Variants in CREB5 observed in about 807,000 individuals in gnomAD.
CREB5 encodes the protein cAMP responsive element binding protein 5.
A neutral mutation model predicts 57.1 loss-of-function variants in CREB5; 19 were observed. That is an observed-to-expected ratio of 0.33 (90% confidence interval 0.23 to 0.49). The LOEUF (loss-of-function observed/expected upper bound fraction) is 0.49. CREB5 is among the 20% of genes least tolerant of loss of function. CREB5 has a pLI of 0.99. For synonymous variants in CREB5, 238 were observed against 238.3 expected, an observed-to-expected ratio of 1.00 and a Z score of 0.01; for missense variants, 579 against 671.6, an observed-to-expected ratio of 0.86 and a Z score of 1.52.
chr7:28,685,790 G>A (rs939617588), intron 5 of CREB5, among the ~76,000 whole-genome samples: 3 of 151,590 alleles, frequency 2.0e-5, no homozygotes, highest in Non-Finnish European at 2.9e-5. Flanking sequence ...CATCCCCAGC[G>A]GCACTGTTTC....
intron 1 of CREB5, among the ~76,000 whole-genome samples, chr7:28,320,857 A>T (rs764780744): frequency 1.4e-4 from 21 of 152,262 alleles, no homozygotes; most frequent in Non-Finnish European, 2.6e-4. Flanking sequence ...GTGGATACAT[A>T]TTCTGAAAGT....
chr7:28,608,903 A>G (rs918634349), intron 5 of CREB5, among the ~76,000 whole-genome samples: 3 of 152,226 alleles, frequency 2.0e-5, no homozygotes, highest in Non-Finnish European at 4.4e-5. Context: ...TTAATTTAAC[A>G]GGGAGATTTT....
At chr7:28,453,633 G>T (rs913145253) in intron 1 of CREB5, among the ~76,000 whole-genome samples, 2 of 152,148 alleles carry the variant, frequency 1.3e-5, no homozygotes, top group Admixed American at 1.3e-4. Flanking sequence ...CCTGATCCTT[G>T]CCCACTAAAG....
At chr7:28,787,759 G>A (rs1022607294) in intron 7 of CREB5, among the ~76,000 whole-genome samples, 1 of 152,070 alleles carries the variant, frequency 6.6e-6, no homozygotes, top group Non-Finnish European at 1.5e-5. Context: ...TTGCCTTGTT[G>A]CCTCGGCTGG....
intron 5 of CREB5, among the ~76,000 whole-genome samples, chr7:28,715,079 A>G (rs1406396333): frequency 6.6e-6 from 1 of 152,220 alleles, no homozygotes; most frequent in Non-Finnish European, 1.5e-5. Flanking sequence ...AGAAAATGGA[A>G]TTTCATGTGG....
chr7:28,723,631 TTG>T (rs1382492507), intron 6 of CREB5, among the ~76,000 whole-genome samples: 2 of 152,168 alleles, frequency 1.3e-5, no homozygotes, highest in Admixed American at 1.3e-4. Flanking sequence ...ATCACAATGA[TTG>T]TGTTTGTGAA....
At chr7:28,413,759 G>T (rs143094881) in intron 1 of CREB5, among the ~76,000 whole-genome samples, 345 of 152,148 alleles carry the variant, frequency 2.3e-3, no homozygotes, top group African/African-American at 7.5e-3. Context: ...TATTTGAATA[G>T]GTGGCTAAAT....
intron 7 of CREB5, among the ~76,000 whole-genome samples, chr7:28,787,523 C>T (rs1807401560): frequency 6.6e-6 from 1 of 152,214 alleles, no homozygotes; most frequent in Non-Finnish European, 1.5e-5. Flanking sequence ...GGCTCCACAT[C>T]TCTTTCAGTT....
At chr7:28,453,693 A>T (rs1040167253) in intron 1 of CREB5, among the ~76,000 whole-genome samples, 1 of 152,146 alleles carries the variant, frequency 6.6e-6, no homozygotes, top group Non-Finnish European at 1.5e-5. Flanking sequence ...AAACACCCCA[A>T]CAATTTCCCC....
chr7:28,571,861 G>A lies in CREB5; in HGVS notation c.464+1324G>A, dbSNP rs189319838. Among the ~76,000 whole-genome samples, 215 of 152,310 alleles carry A rather than the reference G, an allele frequency of 1.4e-3. 2 individuals carry two copies. Among genetic ancestry groups the A allele is most frequent in the African/African-American group, 5.1e-3 (210 of 41,562 alleles). ...GAGCTGTGATACAGTTCTGTTGCTG[G>A]TCGCTGAGAACTGGCTGCTCTATGC... On this transcript the variant is annotated intron_variant, in intron 5 of 10. Transcript: ENST00000357727.
chr7:28,516,571 C>T (rs1792966050), intron 4 of CREB5, among the ~76,000 whole-genome samples: 2 of 152,198 alleles, frequency 1.3e-5, no homozygotes, highest in African/African-American at 2.4e-5. Flanking sequence ...CTTTGGCCCG[C>T]CCTGCCCTCC....
At chr7:28,790,138 A>C (rs918434017) in intron 7 of CREB5, among the ~76,000 whole-genome samples, 7 of 152,324 alleles carry the variant, frequency 4.6e-5, no homozygotes, top group African/African-American at 1.7e-4. Flanking sequence ...ATATTTATTT[A>C]TTTCTTTGTT....
At chr7:28,460,056 G>C (rs1790287844) in intron 1 of CREB5, among the ~76,000 whole-genome samples, 1 of 152,300 alleles carries the variant, frequency 6.6e-6, no homozygotes, top group South Asian at 2.1e-4. Context: ...GATTACAACT[G>C]TTCCACTACT....
chr7:28,646,312 A>AC (rs1255541902), intron 5 of CREB5, among the ~76,000 whole-genome samples: 2 of 152,176 alleles, frequency 1.3e-5, no homozygotes, highest in Non-Finnish European at 2.9e-5. Flanking sequence ...TCCCGAGCAA[A>AC]CCTAGAGAAA....
chr7:28,446,801 C>A (rs1242911767), intron 1 of CREB5, among the ~76,000 whole-genome samples: 3 of 152,056 alleles, frequency 2.0e-5, no homozygotes, highest in Admixed American at 2.0e-4. Flanking sequence ...CAAAACAAAA[C>A]AAAACAAAAC....
intron 1 of CREB5, among the ~76,000 whole-genome samples, chr7:28,404,468 C>G (rs555415322): frequency 6.6e-6 from 1 of 152,118 alleles, no homozygotes; most frequent in African/African-American, 2.4e-5. Context: ...GATTTCCATG[C>G]ACCTTGGGTC....
chr7:28,487,862 T>C (rs1791633688), intron 1 of CREB5, among the ~76,000 whole-genome samples: 1 of 152,170 alleles, frequency 6.6e-6, no homozygotes, highest in Non-Finnish European at 1.5e-5. Context: ...GGTGTGGTCT[T>C]TCCTGGTAGT....
chr7:28,587,600 T>C (rs879534919), intron 5 of CREB5, among the ~76,000 whole-genome samples: 1 of 152,146 alleles, frequency 6.6e-6, no homozygotes, highest in Non-Finnish European at 1.5e-5. Flanking sequence ...AATCCTGATA[T>C]AAAGTTCTAA....
intron 1 of CREB5, among the ~76,000 whole-genome samples, chr7:28,450,772 C>T (rs1789756323): frequency 6.6e-6 from 1 of 152,218 alleles, no homozygotes; most frequent in African/African-American, 2.4e-5. Flanking sequence ...CGGATTATAA[C>T]ATATATTCTC....
Sources: allele counts gnomAD v4.1 joint callset (sites outside exome capture counted in the v4.1 genomes callset), GRCh38; gene constraint gnomAD v4.1.1; transcripts MANE v1.5; gene names NCBI Gene and HGNC (gene_info 2026-07-23, HGNC 2026-07-21).